The following ADAM19 variants were observed in gnomAD, a reference collection of about 807,000 sequenced individuals.
The protein encoded by ADAM19 is ADAM metallopeptidase domain 19.
Under a neutral mutation model 114.7 loss-of-function variants are expected in ADAM19, and 65 were observed. The ratio of observed to expected loss-of-function variants is 0.57; its 90% CI spans 0.46 to 0.70. The LOEUF is 0.70. ADAM19 is among the 30% of genes least tolerant of loss of function. The pLI is 0.00. For missense variants in ADAM19, 1,063 were observed against 1,204.7 expected, an observed-to-expected ratio of 0.88 and a Z score of 1.74; for synonymous variants, 466 against 460.5, an observed-to-expected ratio of 1.01 and a Z score of -0.15.
rs1311480864 is a variant in ADAM19, at chr5:157,502,917, T to C, written c.1194A>G (p.Ser398=). The C allele has an allele frequency of 6.2e-7, 1 of 1,614,180 alleles. No individual in the cohort carries two copies. The highest frequency in any genetic ancestry group is 8.5e-7 in the Non-Finnish European group (1 of 1,180,024). The part of the protein sequence containing the change: ...NRRELDRYLQ[S]GGGMCLSNMP... ...TGTTGGAGAGACACATTCCACCACC[T>C]GACTGCAGATACCTGTCCAGCTCCC... The change falls in exon 12 of 23, where the codon TCA becomes TCG. Residue 398 remains serine (S), a synonymous_variant. Transcript: ENST00000257527.
intron 19 of ADAM19, 24 bp from the exon 20 acceptor site, chr5:157,489,210 A>G: frequency 6.4e-7 from 1 of 1,560,670 alleles, no homozygotes; most frequent in East Asian, 2.2e-5. Flanking sequence ...ATGGGGGAGG[A>G]AAAGAAAGGG....
chr5:157,488,118 G>C (rs1755009894), intron 21 of ADAM19, 147 bp downstream of exon 21: 2 of 769,896 alleles, frequency 2.6e-6, no homozygotes, highest in Admixed American at 2.4e-5. Flanking sequence ...GCTCTAACCT[G>C]CTGTGCGCCC....
intron 7 of ADAM19, among the ~76,000 whole-genome samples, chr5:157,514,019 C>G (rs557416451): frequency 1.3e-5 from 2 of 152,292 alleles, no homozygotes; most frequent in African/African-American, 2.4e-5. Flanking sequence ...AGTGTGAGAT[C>G]TTGGTTCTAG....
chr5:157,552,677 CAAAA>C (rs778402112), intron 3 of ADAM19, among the ~76,000 whole-genome samples: 1 of 59,374 alleles, frequency 1.7e-5, no homozygotes. Context: ...GGACTCTACT[CAAAA>C]AAAAAAAAAA....
intron 10 of ADAM19, among the ~76,000 whole-genome samples, chr5:157,506,492 T>G (rs1057285908): frequency 6.6e-6 from 1 of 152,220 alleles, no homozygotes; most frequent in African/African-American, 2.4e-5. Flanking sequence ...GCTCAGACCC[T>G]AGAGCCTGTG....
intron 2 of ADAM19, chr5:157,568,925 G>A (rs1221055950): frequency 6.6e-6 from 1 of 152,128 alleles, no homozygotes; most frequent in Admixed American, 6.5e-5. Context: ...GCAGACAATG[G>A]TTGGGAACAA....
At chr5:157,510,460 G>A (rs560253212) in intron 8 of ADAM19, among the ~76,000 whole-genome samples, 4 of 152,184 alleles carry the variant, frequency 2.6e-5, no homozygotes, top group African/African-American at 7.2e-5. Flanking sequence ...GGCCACGGGC[G>A]AAACTCCGTC....
At position 157,477,833 on chromosome 5, in the gene ADAM19, G is replaced by C. The variant is rs763588293; in HGVS notation, c.*3116C>G. The C allele has an allele frequency of 1.4e-5, 11 of 779,774 alleles. No individual in the cohort carries two copies. Among genetic ancestry groups the C allele is most frequent in the East Asian group, 1.3e-4 (2 of 15,610 alleles). 48.3% of individuals were successfully genotyped at this position (779,774 alleles called of 1,614,324 possible). A position where few individuals can be genotyped will look rare whatever the true frequency, so the allele number is the denominator to read the frequency against. ...GAGGTGGGGAGGGGCTATTGCTTCAGGGGGAAGGGACTATGGCAATACAAA... is the reference window on the plus strand; with the variant it reads ...GAGGTGGGGAGGGGCTATTGCTTCACGGGGAAGGGACTATGGCAATACAAA... On this transcript the variant is annotated 3_prime_UTR_variant, in exon 23 of 23. Coordinates refer to ENST00000257527, the MANE Select transcript of ADAM19 (RefSeq NM_033274.5).
At chr5:157,518,219 G>A (rs1756149629) in intron 7 of ADAM19, among the ~76,000 whole-genome samples, 1 of 150,400 alleles carries the variant, frequency 6.6e-6, no homozygotes, top group African/African-American at 2.4e-5. Context: ...AAGGTCTTCA[G>A]ACCCAGTACA....
At chr5:157,481,123 T>C in intron 22 of ADAM19, 121 bp from the exon 23 acceptor site, 2 of 1,339,960 alleles carry the variant, frequency 1.5e-6, no homozygotes, top group Admixed American at 4.0e-5. Flanking sequence ...GAACAAAGGC[T>C]TCTTGTGAAG....
At position 157,489,307 on chromosome 5, in the gene ADAM19, G is replaced by A. The variant is rs531720091; in HGVS notation, c.2241-121C>T. On this transcript the variant is annotated intron_variant, in intron 19 of 22. Coordinates refer to ENST00000257527, the MANE Select transcript of ADAM19 (RefSeq NM_033274.5). ...GCTAAATCTTTCCCAAGTCTGCTCT[G>A]GAGGGAGTGGGATTGGTCTTCTCGA... is the stretch of plus-strand genomic sequence containing the variant. The A allele has an allele frequency of 8.4e-6, 6 of 715,404 alleles. No individual in the cohort carries two copies. The South Asian group carries it at 9.3e-5, about 11-fold the overall frequency. 44.3% of individuals were successfully genotyped at this position (715,404 alleles called of 1,614,324 possible). A position where few individuals can be genotyped will look rare whatever the true frequency, so the allele number is the denominator to read the frequency against.
chr5:157,481,335 C>G, intron 22 of ADAM19: 1 of 572,804 alleles, frequency 1.7e-6, no homozygotes, highest in South Asian at 2.2e-5. Context: ...GACCTGACTG[C>G]CAAGACTGGC....
chr5:157,550,812 G>C (rs1282089996), intron 3 of ADAM19, among the ~76,000 whole-genome samples: 1 of 152,112 alleles, frequency 6.6e-6, no homozygotes, highest in Non-Finnish European at 1.5e-5. Context: ...AACTTGCAGA[G>C]GAGCCAAGGG....
intron 21 of ADAM19, among the ~76,000 whole-genome samples, chr5:157,488,040 G>C (rs1431016826): frequency 5.3e-5 from 8 of 152,174 alleles, no homozygotes; most frequent in Admixed American, 2.0e-4. Flanking sequence ...TCATAAAATA[G>C]GCCAACCCGG....
Position 157,479,675 on chromosome 5 carries a change from G to C in ADAM19, c.*1274C>G. On this transcript the variant is annotated 3_prime_UTR_variant, in exon 23 of 23. Coordinates refer to ENST00000257527, the MANE Select transcript of ADAM19 (RefSeq NM_033274.5). ...AGAGAGAGAACAAAAGGAAGTGAAT[G>C]ACAAAAAGCTGGGTTGAGGAAGAGG... 1 of 986,004 alleles carries C rather than the reference G, an allele frequency of 1.0e-6. No homozygotes were observed. The highest frequency in any genetic ancestry group is 1.2e-6 in the Non-Finnish European group (1 of 830,114). The allele number at this position is 986,004 out of a possible 1,614,324, so 61.1% of individuals were successfully genotyped here.
intron 5 of ADAM19, among the ~76,000 whole-genome samples, chr5:157,521,330 A>G (rs542553229): frequency 7.0e-4 from 106 of 152,354 alleles, no homozygotes; most frequent in African/African-American, 2.5e-3. Context: ...GGACTCTAGC[A>G]GCATTTTGTA....
At chr5:157,525,807 C>T (rs1040968692) in intron 5 of ADAM19, among the ~76,000 whole-genome samples, 1 of 152,218 alleles carries the variant, frequency 6.6e-6, no homozygotes, top group African/African-American at 2.4e-5. Flanking sequence ...CATTCTCCTG[C>T]ATTCATTTTC....
At chr5:157,544,167 T>C (rs1183645900) in intron 3 of ADAM19, among the ~76,000 whole-genome samples, 2 of 152,118 alleles carry the variant, frequency 1.3e-5, no homozygotes, top group Non-Finnish European at 2.9e-5. Flanking sequence ...GAGTAAAAAA[T>C]TGGGACCTCC....
Position 157,518,857 on chromosome 5 carries a change from T to C in ADAM19, c.632A>G (p.Tyr211Cys). ...MKREDLNSMK[Y>C]VELYLVADYL... ...ATCAGCCACGAGGTAAAGCTCCACA[T>C]ACTTCATGGAGTTTAAATCTTCCCT... The change falls in exon 7 of 23, where the codon TAT becomes TGT. Residue 211 changes from tyrosine to cysteine, a missense_variant. Physicochemically the swap from Tyr to Cys is radical, Grantham distance 194. Transcript: ENST00000257527. 2 of 1,614,082 alleles carry C rather than the reference T, an allele frequency of 1.2e-6. No individual in the cohort carries two copies. Among genetic ancestry groups the C allele is most frequent in the Non-Finnish European group, 1.7e-6 (2 of 1,179,910 alleles).
Sources: gnomAD v4.1 joint callset for allele counts (sites outside exome capture counted in the v4.1 genomes callset) on GRCh38, gnomAD v4.1.1 for gene constraint, MANE v1.5 for transcripts, NCBI Gene and HGNC (gene_info 2026-07-23, HGNC 2026-07-21) for gene names.